HIBCH: variants seen among roughly 807,000 people sequenced by gnomAD.
The protein encoded by HIBCH is 3-hydroxyisobutyryl-CoA hydrolase, mitochondrial.
HIBCH carries 50 observed loss-of-function variants against 58.2 expected under a neutral mutation model. The ratio of observed to expected loss-of-function variants is 0.86; its 90% CI spans 0.68 to 1.09. The LOEUF (loss-of-function observed/expected upper bound fraction) is 1.09. HIBCH is among the 50% of genes least tolerant of loss of function. The pLI is 0.00. For missense variants in HIBCH, 450 were observed against 449.7 expected (o/e 1.00, Z -0.01); for synonymous variants, 151 against 146.9 (o/e 1.03, Z -0.20).
At position 190,306,948 on chromosome 2, in the gene HIBCH, C is replaced by T. The variant is rs1575763799; in HGVS notation, c.78+3806G>A. Reference sequence around the variant, plus strand: ...GCTGTCTATTAACCAGGAAGCTGGCCATCACCAGACACCAAATCCGCTGGC... The same window carrying T: ...GCTGTCTATTAACCAGGAAGCTGGCTATCACCAGACACCAAATCCGCTGGC... On this transcript the variant is annotated intron_variant, in intron 2 of 13. Coordinates refer to ENST00000359678, the MANE Select transcript of HIBCH (RefSeq NM_014362.4). The surrounding 1 kb of genome is among the most constrained non-coding windows in gnomAD (Gnocchi z 4.6). 6.6e-6 allele frequency among the ~76,000 whole-genome samples: 1 copy of T among 152,288 alleles called. No homozygotes were observed. Among genetic ancestry groups the T allele is most frequent in the Non-Finnish European group, 1.5e-5 (1 of 68,034 alleles).
In HIBCH at chr2:190,214,906, T is replaced by C. The variant is rs1007242228; in HGVS notation, c.892-1831A>G. ...CCTTATCCAAACTTGAGGAAAGAAT[T>C]AGAACAATGTAAGAAGGACATTGAG... On this transcript the variant is annotated intron_variant, in intron 11 of 13. Transcript: ENST00000359678. This position sits in a 1 kb window ranked among gnomAD's most constrained non-coding sequence, Gnocchi z 5.5. 1 of 152,188 alleles carries C rather than the reference T, an allele frequency of 6.6e-6. No individual in the cohort carries two copies. Among genetic ancestry groups the C allele is most frequent in the Non-Finnish European group, 1.5e-5 (1 of 68,038 alleles). The allele number at this position is 152,188 out of a possible 1,614,324, so 9.4% of individuals were successfully genotyped here.
At chr2:190,316,580 C>T in intron 1 of HIBCH, among the ~76,000 whole-genome samples, 1 of 152,142 alleles carries the variant, frequency 6.6e-6, no homozygotes, top group South Asian at 2.1e-4. Flanking sequence ...AATGGAAACC[C>T]TGGGTCTATA....
rs909756768 is a variant in HIBCH at position 190,204,433 on chromosome 2, G to A, written c.*684C>T. ...TGGGATGGTATTCTGATTATTTTAG[G>A]GAAGACCAAGTCTGAGTTAATACTG... On this transcript the variant is annotated 3_prime_UTR_variant, in exon 14 of 14. Transcript: ENST00000359678. 1 of 152,000 alleles carries A rather than the reference G, an allele frequency of 6.6e-6. No homozygotes were observed. Among genetic ancestry groups the A allele is most frequent in the African/African-American group, 2.4e-5 (1 of 41,406 alleles). 9.4% of individuals were successfully genotyped at this position (152,000 alleles called of 1,614,324 possible).
intron 11 of HIBCH, among the ~76,000 whole-genome samples, chr2:190,224,282 G>C (rs919007388): frequency 6.6e-6 from 1 of 152,176 alleles, no homozygotes; most frequent in African/African-American, 2.4e-5. Flanking sequence ...GGAGCCCACC[G>C]CAGATCAAGG....
chr2:190,271,061 A>C (rs1360810051), intron 6 of HIBCH, among the ~76,000 whole-genome samples: 1 of 152,042 alleles, frequency 6.6e-6, no homozygotes, highest in Admixed American at 6.5e-5. Flanking sequence ...GCTCAAAATT[A>C]AATTCATCTC....
At chr2:190,203,027 C>T (rs1426551807), downstream of HIBCH, 1 of 150,412 alleles carries the variant, frequency 6.6e-6, no homozygotes, top group African/African-American at 3.1e-5. Context: ...CACCTTAGTC[C>T]CAAAGAAATA....
chr2:190,290,537 G>T, intron 4 of HIBCH, 52 bp from the exon 5 acceptor site: 1 of 1,104,380 alleles, frequency 9.1e-7, no homozygotes, highest in Non-Finnish European at 1.4e-6. Flanking sequence ...AGTCAACATT[G>T]TCAACTAGAT....
intron 1 of HIBCH, among the ~76,000 whole-genome samples, chr2:190,319,074 C>A (rs1169382112): frequency 6.6e-6 from 1 of 152,164 alleles, no homozygotes; most frequent in African/African-American, 2.4e-5. Flanking sequence ...CCTGGTATGA[C>A]AGTACAGGGC....
rs755284898 is a variant in HIBCH at position 190,319,719 on chromosome 2, G to A, written c.32C>T (p.Ser11Leu). Residue 11 changes from serine (S) to leucine (L), a missense_variant, in exon 1 of 14, where the codon TCG (serine) becomes TTG (leucine). By Grantham distance (145) the Ser-to-Leu change is moderately radical. Coordinates refer to ENST00000359678, the MANE Select transcript of HIBCH (RefSeq NM_014362.4). MGQREMWRLM[S>L]RFNAFKRTNT... is the part of the protein sequence containing the mutation. The stretch of plus-strand genomic sequence containing the variant: ...GGCCCCTCGCTCTCTCACTCACCTC[G>A]ACATGAGCCTCCACATCTCGCGCTG... 1.9e-6 allele frequency: 3 copies of A among 1,612,226 alleles called. No individual in the cohort carries two copies. The East Asian group carries it at 6.7e-5, about 36-fold the overall frequency.
chr2:190,208,630 T>C (rs879901373), intron 13 of HIBCH: 7 of 552,028 alleles, frequency 1.3e-5, no homozygotes, highest in Admixed American at 6.3e-5. Context: ...GAGTATTCTT[T>C]ATCTGGAATG....
chr2:190,230,874 T>C (rs2105919769), intron 11 of HIBCH, among the ~76,000 whole-genome samples: 1 of 152,224 alleles, frequency 6.6e-6, no homozygotes, highest in East Asian at 1.9e-4. Context: ...TACTAAAACT[T>C]GACATGACAA....
In HIBCH at chr2:190,204,317, C is replaced by T. The variant is rs967640199; in HGVS notation, c.*800G>A. The T allele has an allele frequency of 3.3e-5, 5 of 151,994 alleles. No individual in the cohort carries two copies. The East Asian group carries it at 9.6e-4, about 29-fold the overall frequency. The allele number at this position is 151,994 out of a possible 1,614,324, so 9.4% of individuals were successfully genotyped here. A position where few individuals can be genotyped will look rare whatever the true frequency, so the allele number is the denominator to read the frequency against. ...TAAATTATAAAAAAACAGAGTGTCT[C>T]TATCTAAGAGATTGGAGTTTCCTAA... On this transcript the variant is annotated 3_prime_UTR_variant, in exon 14 of 14. Coordinates refer to ENST00000359678, the MANE Select transcript of HIBCH (RefSeq NM_014362.4).
intron 9 of HIBCH, 41 bp from the exon 10 acceptor site, chr2:190,246,253 T>A (rs148810622): frequency 4.3e-6 from 5 of 1,156,546 alleles, no homozygotes; most frequent in Non-Finnish European, 6.4e-6. Flanking sequence ...TTGAACACAA[T>A]TTTTTAATCC....
chr2:190,251,251 C>CG (rs1686755297), intron 8 of HIBCH, among the ~76,000 whole-genome samples: 2 of 152,150 alleles, frequency 1.3e-5, no homozygotes, highest in African/African-American at 4.8e-5. Flanking sequence ...TATCCTAAAA[C>CG]ACCCTTCCCT....
At chr2:190,287,999 AG>A (rs1687873729) in intron 5 of HIBCH, among the ~76,000 whole-genome samples, 1 of 151,970 alleles carries the variant, frequency 6.6e-6, no homozygotes, top group African/African-American at 2.4e-5. Context: ...TCTTAAAAAA[AG>A]TATAGCCAGG....
At chr2:190,247,542 C>T (rs561807348) in intron 9 of HIBCH, among the ~76,000 whole-genome samples, 4 of 152,164 alleles carry the variant, frequency 2.6e-5, no homozygotes, top group African/African-American at 9.6e-5. Flanking sequence ...TATTTCCTTC[C>T]CTCTATCTTC....
chr2:190,199,960 TGTCTACCTAG>T, downstream of HIBCH: 1 of 1,614,104 alleles, frequency 6.2e-7, no homozygotes, highest in Non-Finnish European at 8.5e-7. Flanking sequence ...AGAAGAGAGA[TGTCTACCTAG>T]GATGGCTTCT....
chr2:190,288,903 G>A lies in HIBCH; in HGVS notation c.386-1265C>T, dbSNP rs191331517. On this transcript the variant is annotated intron_variant, in intron 5 of 13. Transcript: ENST00000359678. ...GGGGCAGATGGATCACCTAGGGTCA[G>A]GAGTTCGAGAGCAGCCTGGCCAACA... 2.8e-4 allele frequency among the ~76,000 whole-genome samples: 42 copies of A among 152,242 alleles called. No homozygotes were observed. The East Asian group carries it at 3.3e-3, about 12-fold the overall frequency.
At chr2:190,238,422 A>T (rs1336572459) in intron 11 of HIBCH, among the ~76,000 whole-genome samples, 1 of 152,190 alleles carries the variant, frequency 6.6e-6, no homozygotes, top group Non-Finnish European at 1.5e-5. Flanking sequence ...TCTAATGATC[A>T]ATGACAATAA....
Sources: gnomAD v4.1 joint callset for allele counts (sites outside exome capture counted in the v4.1 genomes callset) on GRCh38, gnomAD v4.1.1 for gene constraint, Gnocchi (gnomAD v3.1) non-coding constraint, MANE v1.5 for transcripts, NCBI Gene and HGNC (gene_info 2026-07-23, HGNC 2026-07-21) for gene names.